PTN: variants seen among roughly 807,000 people sequenced by gnomAD.
PTN encodes the protein heparin affin regulatory protein.
In PTN, 18 loss-of-function variants were observed where a neutral mutation model predicts 24.1. The observed-to-expected ratio is 0.75, with a 90% CI of 0.52 to 1.11. PTN has a LOEUF of 1.11. Among genes scored for constraint, PTN ranks in the 50% least tolerant of loss-of-function variants. PTN has a pLI of 0.00. For synonymous variants in PTN, 78 were observed against 68.6 expected (o/e 1.14, Z -0.67); for missense variants, 163 against 198.8 (o/e 0.82, Z 1.08).
intron 1 of PTN, among the ~76,000 whole-genome samples, chr7:137,317,332 G>A (rs1426871737): frequency 1.3e-5 from 2 of 152,164 alleles, no homozygotes; most frequent in Admixed American, 6.5e-5. Flanking sequence ...TGTGGTTAGT[G>A]AAAGTTAAAT....
intron 1 of PTN, among the ~76,000 whole-genome samples, chr7:137,317,966 T>C (rs939349801): frequency 6.6e-6 from 1 of 152,132 alleles, no homozygotes; most frequent in African/African-American, 2.4e-5. Flanking sequence ...CTTGACCCTT[T>C]CTTTACAAGA....
At chr7:137,253,113 A>G (rs1808856853) in intron 3 of PTN, among the ~76,000 whole-genome samples, 1 of 152,242 alleles carries the variant, frequency 6.6e-6, no homozygotes, top group Admixed American at 6.5e-5. Context: ...GATATATTTT[A>G]TGTCCCTTTG....
intron 1 of PTN, among the ~76,000 whole-genome samples, chr7:137,286,182 A>T (rs1401486852): frequency 6.6e-6 from 1 of 152,212 alleles, no homozygotes. Context: ...CACAATACTG[A>T]TATTAATTAA....
intron 1 of PTN, among the ~76,000 whole-genome samples, chr7:137,337,100 C>G (rs1289072861): frequency 6.6e-6 from 1 of 152,162 alleles, no homozygotes; most frequent in South Asian, 2.1e-4. Context: ...CTTGATTCCA[C>G]CTCTTAAATC....
chr7:137,293,462 G>A (rs527397573), intron 1 of PTN, among the ~76,000 whole-genome samples: 22 of 152,088 alleles, frequency 1.4e-4, no homozygotes, highest in Non-Finnish European at 2.8e-4. Context: ...TTCTGGGCTA[G>A]CATACTTGAA....
At chr7:137,231,495 T>C (rs1808426558) in intron 4 of PTN, among the ~76,000 whole-genome samples, 1 of 151,928 alleles carries the variant, frequency 6.6e-6, no homozygotes, top group African/African-American at 2.4e-5. Context: ...CATTGATTTT[T>C]CCAAAACTAG....
intron 1 of PTN, among the ~76,000 whole-genome samples, chr7:137,340,195 C>G (rs2128884162): frequency 6.6e-6 from 1 of 152,232 alleles, no homozygotes; most frequent in South Asian, 2.1e-4. Flanking sequence ...CTTGTCCACC[C>G]TGAAGAAATA....
intron 2 of PTN, 72 bp downstream of exon 2, chr7:137,254,787 G>A: frequency 9.8e-7 from 1 of 1,016,304 alleles, no homozygotes; most frequent in Non-Finnish European, 1.4e-6. Context: ...AAGAGAGGAA[G>A]GAAAAGCAGG....
At chr7:137,302,867 G>T (rs1264398345) in intron 1 of PTN, among the ~76,000 whole-genome samples, 1 of 151,958 alleles carries the variant, frequency 6.6e-6, no homozygotes, top group Admixed American at 6.6e-5. Flanking sequence ...TATCAGTTCA[G>T]CTCTGCTTTC....
At chr7:137,284,323 G>C (rs746002393) in intron 1 of PTN, among the ~76,000 whole-genome samples, 2 of 151,714 alleles carry the variant, frequency 1.3e-5, no homozygotes, top group African/African-American at 2.4e-5. Flanking sequence ...GACCCTTCCC[G>C]GTCTTCTGAA....
intron 1 of PTN, among the ~76,000 whole-genome samples, chr7:137,313,766 A>G (rs545937162): frequency 1.4e-4 from 22 of 152,328 alleles, no homozygotes; most frequent in African/African-American, 4.8e-4. Flanking sequence ...ATCTTCTACA[A>G]GGTTATAAGA....
intron 1 of PTN, among the ~76,000 whole-genome samples, chr7:137,263,165 T>A (rs1269879586): frequency 6.6e-6 from 1 of 152,132 alleles, no homozygotes; most frequent in African/African-American, 2.4e-5. Context: ...TTTGAAGAAG[T>A]ACAGGTAGCA....
At chr7:137,284,760 C>T (rs1809527766) in intron 1 of PTN, among the ~76,000 whole-genome samples, 1 of 152,114 alleles carries the variant, frequency 6.6e-6, no homozygotes, top group South Asian at 2.1e-4. Context: ...AGAAGATTCC[C>T]TCCTTCACCT....
intron 1 of PTN, 138 bp from the exon 2 acceptor site, chr7:137,255,112 G>C (rs991342184): frequency 5.6e-6 from 3 of 533,910 alleles, no homozygotes; most frequent in Admixed American, 3.2e-5. Flanking sequence ...CAATTATCTT[G>C]GGTAGAATTT....
At chr7:137,243,305 G>A (rs1039982563) in intron 4 of PTN, among the ~76,000 whole-genome samples, 13 of 152,160 alleles carry the variant, frequency 8.5e-5, no homozygotes, top group African/African-American at 2.9e-4. Flanking sequence ...CTTGTTTGCA[G>A]ATCAATTATT....
chr7:137,257,350 C>T (rs570039954), intron 1 of PTN, among the ~76,000 whole-genome samples: 3 of 152,308 alleles, frequency 2.0e-5, no homozygotes, highest in East Asian at 1.9e-4. Flanking sequence ...AACCTAATAC[C>T]TCATGAATGG....
chr7:137,296,403 T>C (rs1809718926), intron 1 of PTN, among the ~76,000 whole-genome samples: 1 of 151,612 alleles, frequency 6.6e-6, no homozygotes, highest in African/African-American at 2.4e-5. Context: ...AATAGAAAGG[T>C]TGACAAAGGA....
intron 1 of PTN, among the ~76,000 whole-genome samples, chr7:137,281,944 T>C (rs1014677133): frequency 6.6e-6 from 1 of 152,238 alleles, no homozygotes; most frequent in African/African-American, 2.4e-5. Context: ...AGAATTTAAG[T>C]AACCTGCCTA....
intron 1 of PTN, among the ~76,000 whole-genome samples, chr7:137,340,532 A>G (rs1046933058): frequency 5.9e-5 from 9 of 152,224 alleles, no homozygotes; most frequent in Non-Finnish European, 1.0e-4. Context: ...CACTTAAGCC[A>G]ATTGACTCTG....
Sources: allele counts gnomAD v4.1 joint callset (sites outside exome capture counted in the v4.1 genomes callset), GRCh38; gene constraint gnomAD v4.1.1; transcripts MANE v1.5; gene names NCBI Gene and HGNC (gene_info 2026-07-23, HGNC 2026-07-21).